The following GLDC variants were observed in gnomAD, a reference collection of about 807,000 sequenced individuals.
GLDC encodes glycine decarboxylase.
In GLDC, 104 loss-of-function variants were observed where a neutral mutation model predicts 121.3. The observed-to-expected ratio is 0.86, with a 90% confidence interval of 0.73 to 1.01. The LOEUF is 1.01. Ranked by LOEUF, GLDC falls within the 50% of genes least tolerant of loss-of-function variation. GLDC has a pLI of 0.00. For missense variants in GLDC, 1,429 were observed against 1,306.6 expected, an observed-to-expected ratio of 1.09 and a Z score of -1.44; for synonymous variants, 546 against 480.6, an observed-to-expected ratio of 1.14 and a Z score of -1.78.
chr9:6,559,369 G>C (rs1045648023), intron 16 of GLDC, among the ~76,000 whole-genome samples: 2 of 151,816 alleles, frequency 1.3e-5, no homozygotes, highest in African/African-American at 2.4e-5. Context: ...ACAAAAAATA[G>C]CTGGGTGTGG....
intron 21 of GLDC, among the ~76,000 whole-genome samples, chr9:6,542,877 C>A (rs1308608246): frequency 9.4e-6 from 1 of 106,162 alleles, no homozygotes; most frequent in African/African-American, 3.8e-5. Context: ...CGGAGTGAGA[C>A]CTTTTCTCAA....
rs1452327155 is a variant in GLDC at position 6,534,742 on chromosome 9, C to T, written c.2885G>A (p.Arg962Gln). Residue 962 changes from arginine (R) to glutamine (Q), a missense_variant, in exon 24 of 25, where the codon CGG becomes CAG. Coordinates refer to ENST00000321612, the MANE Select transcript of GLDC (RefSeq NM_000170.3). ...LTCVTSSHWDRPYSREVAAFP... is the reference protein window; with the variant it reads ...LTCVTSSHWDQPYSREVAAFP... Reference sequence around the variant, plus strand: ...TGCTGCCACCTCTCTGGAATAAGGCCGGTCCCAGTGGGAAGATGTAACGCA... The same window carrying T: ...TGCTGCCACCTCTCTGGAATAAGGCTGGTCCCAGTGGGAAGATGTAACGCA... The T allele has an allele frequency of 9.3e-6, 15 of 1,607,300 alleles. No homozygotes were observed. The highest frequency in any genetic ancestry group is 1.6e-4 in the Middle Eastern group (1 of 6,074).
chr9:6,579,573 G>A lies in GLDC; in HGVS notation c.1850+7568C>T, dbSNP rs140044660. ...GGGGTCTTACTATGTCACCCAGGCTGTTCTCAAACTCCTGGCCTTACGTGA... is the reference window on the plus strand; with the variant it reads ...GGGGTCTTACTATGTCACCCAGGCTATTCTCAAACTCCTGGCCTTACGTGA... On this transcript the variant is annotated intron_variant, in intron 15 of 24. Transcript: ENST00000321612. Among the ~76,000 whole-genome samples the A allele has an allele frequency of 6.9e-3, 1,043 of 152,114 alleles. 7 individuals are homozygous for A. The highest frequency in any genetic ancestry group is 0.014 in the South Asian group (67 of 4,820).
intron 15 of GLDC, among the ~76,000 whole-genome samples, chr9:6,578,912 A>G (rs527332150): frequency 6.6e-6 from 1 of 152,182 alleles, no homozygotes; most frequent in South Asian, 2.1e-4. Context: ...ATTTCCACAT[A>G]TTTGTGAATT....
intron 2 of GLDC, among the ~76,000 whole-genome samples, chr9:6,640,031 G>T (rs2130014177): frequency 6.6e-6 from 1 of 152,270 alleles, no homozygotes; most frequent in East Asian, 1.9e-4. Context: ...CACATCAGTT[G>T]CCCGACTTCT....
chr9:6,545,673 A>G (rs1817372661), intron 21 of GLDC, among the ~76,000 whole-genome samples: 1 of 152,100 alleles, frequency 6.6e-6, no homozygotes, highest in Non-Finnish European at 1.5e-5. Flanking sequence ...CAGAGTCTCA[A>G]TCTGTTGCCC....
intron 4 of GLDC, among the ~76,000 whole-genome samples, chr9:6,608,605 G>A (rs1299998456): frequency 6.6e-6 from 1 of 150,724 alleles, no homozygotes; most frequent in Non-Finnish European, 1.5e-5. Flanking sequence ...AATTAGCCGG[G>A]CGTGGTGGCA....
intron 4 of GLDC, among the ~76,000 whole-genome samples, chr9:6,607,485 G>A (rs58816172): frequency 0.036 from 5,542 of 151,984 alleles, 193 homozygotes; most frequent in African/African-American, 0.086. Context: ...GGGAGGATGA[G>A]GCAGGAGAAT....
At chr9:6,638,139 C>G (rs1374355240) in intron 2 of GLDC, among the ~76,000 whole-genome samples, 1 of 152,058 alleles carries the variant, frequency 6.6e-6, no homozygotes, top group African/African-American at 2.4e-5. Context: ...CGAATTATGT[C>G]TTGCACATTG....
At chr9:6,581,785 T>C (rs567184743) in intron 15 of GLDC, among the ~76,000 whole-genome samples, 2 of 152,334 alleles carry the variant, frequency 1.3e-5, no homozygotes, top group African/African-American at 4.8e-5. Context: ...ACAGACATTA[T>C]GCTAGATAAG....
At chr9:6,606,813 C>T in intron 4 of GLDC, 144 bp from the exon 5 acceptor site, 2 of 690,254 alleles carry the variant, frequency 2.9e-6, no homozygotes, top group South Asian at 1.5e-5. Flanking sequence ...TGGCTCACGC[C>T]TGTAATCCCA....
At chr9:6,636,494 G>C (rs1339317664) in intron 2 of GLDC, among the ~76,000 whole-genome samples, 2 of 152,162 alleles carry the variant, frequency 1.3e-5, no homozygotes, top group Non-Finnish European at 2.9e-5. Flanking sequence ...AATAAAGTTG[G>C]TCGGGCAAGG....
chr9:6,542,954 A>T (rs1817300641), intron 21 of GLDC, among the ~76,000 whole-genome samples: 1 of 151,418 alleles, frequency 6.6e-6, no homozygotes, highest in African/African-American at 2.4e-5. Context: ...TAGGGAAAAA[A>T]TGCTGAAACA....
chr9:6,564,735 G>A (rs995603621), intron 16 of GLDC, among the ~76,000 whole-genome samples: 1 of 152,226 alleles, frequency 6.6e-6, no homozygotes, highest in African/African-American at 2.4e-5. Flanking sequence ...CCCCTGGGGG[G>A]AGCGAGTGGT....
At chr9:6,573,894 CA>C (rs1818012498) in intron 15 of GLDC, among the ~76,000 whole-genome samples, 1 of 152,156 alleles carries the variant, frequency 6.6e-6, no homozygotes, top group Non-Finnish European at 1.5e-5. Flanking sequence ...AACAATTTAA[CA>C]GTACAAATAC....
chr9:6,572,566 C>T (rs915630415), intron 15 of GLDC, among the ~76,000 whole-genome samples: 1 of 152,158 alleles, frequency 6.6e-6, no homozygotes, highest in Non-Finnish European at 1.5e-5. Flanking sequence ...ACTAATAAGA[C>T]ATGGAGGTGT....
At chr9:6,611,533 GCA>G (rs1354725291) in intron 3 of GLDC, among the ~76,000 whole-genome samples, 2 of 146,106 alleles carry the variant, frequency 1.4e-5, no homozygotes, top group East Asian at 4.0e-4. Context: ...TCCAGCCTGG[GCA>G]ACAGAGCAAG....
At position 6,639,668 on chromosome 9, in the gene GLDC, A is replaced by AATATATATATATATAT; in HGVS notation, c.334+4945_334+4946insATATATATATATATAT. The AATATATATATATATAT allele has an allele frequency of 8.2e-4, 205 of 250,522 alleles. 2 individuals are homozygous for AATATATATATATATAT. Among genetic ancestry groups the AATATATATATATATAT allele is most frequent in the East Asian group, 4.3e-3 (37 of 8,692 alleles). 15.5% of individuals were successfully genotyped at this position (250,522 alleles called of 1,614,324 possible). On this transcript the variant is annotated intron_variant, in intron 2 of 24. Coordinates refer to ENST00000321612, the MANE Select transcript of GLDC (RefSeq NM_000170.3). ...ATATATCTTTTCACCATAAAAAAAA[A>AATATATATATATATAT]GTATATATATATATATATATGGACA... is the stretch of plus-strand genomic sequence containing the variant.
intron 2 of GLDC, among the ~76,000 whole-genome samples, chr9:6,639,822 C>G (rs1046456385): frequency 6.6e-6 from 1 of 151,934 alleles, no homozygotes; most frequent in Non-Finnish European, 1.5e-5. Flanking sequence ...ATCAAGGAAG[C>G]CAGCCTGCTA....
Sources: gnomAD v4.1 joint callset for allele counts (sites outside exome capture counted in the v4.1 genomes callset) on GRCh38, gnomAD v4.1.1 for gene constraint, MANE v1.5 for transcripts, NCBI Gene and HGNC (gene_info 2026-07-23, HGNC 2026-07-21) for gene names.